CFHR4: variants seen among roughly 807,000 people sequenced by gnomAD.
CFHR4 encodes complement factor H-related protein 4.
Under a neutral mutation model 69.3 loss-of-function variants are expected in CFHR4, and 64 were observed. The ratio of observed to expected loss-of-function variants is 0.92; its 90% CI spans 0.76 to 1.14. The LOEUF (loss-of-function observed/expected upper bound fraction) is 1.14. Among genes scored for constraint, CFHR4 ranks in the 50% most tolerant of loss-of-function variants. The pLI, the probability that CFHR4 is intolerant of heterozygous loss-of-function variation, is 0.00. For synonymous variants in CFHR4, 244 were observed against 237.0 expected, an observed-to-expected ratio of 1.03 and a Z score of -0.27; for missense variants, 636 against 684.9, an observed-to-expected ratio of 0.93 and a Z score of 0.80.
At chr1:196,902,646 A>G in intron 2 of CFHR4, 31 bp downstream of exon 2, 1 of 1,484,478 alleles carries the variant, frequency 6.7e-7, no homozygotes, top group Non-Finnish European at 9.4e-7. Context: ...GAATATGTGC[A>G]TAAAACTTGA....
rs77556138 is a variant in CFHR4 at position 196,902,602 on chromosome 1, G to A, written c.243G>A (p.Thr81=). Residue 81 remains threonine (T), a synonymous_variant, in exon 2 of 10, where the codon ACG becomes ACA. Coordinates refer to ENST00000608469, the MANE Select transcript of CFHR4 (RefSeq NM_001201550.3). ...GCACACAAGATGGTTGGTCACCAAC[G>A]GTCCCATGCCTCAGTAAGTAAACCT... ...IHCTQDGWSP[T]VPCLRTCSKS... 2,694 of 1,610,032 alleles carry A rather than the reference G, an allele frequency of 1.7e-3. 119 individuals are homozygous for A. The African/African-American group carries it at 0.032, about 19-fold the overall frequency.
intron 1 of CFHR4, among the ~76,000 whole-genome samples, chr1:196,898,437 A>C (rs1019397896): frequency 6.6e-6 from 1 of 151,652 alleles, no homozygotes; most frequent in African/African-American, 2.4e-5. Context: ...TTTGCTTTCC[A>C]AAGTAGATAA....
rs1658793787 is a variant in CFHR4, at chr1:196,918,597, C to A, written c.*191C>A. On this transcript the variant is annotated 3_prime_UTR_variant, in exon 10 of 10. Coordinates refer to ENST00000608469, the MANE Select transcript of CFHR4 (RefSeq NM_001201550.3). The stretch of plus-strand genomic sequence containing the variant: ...AAAACAAACTAAATTATTGCTTATG[C>A]TTGTACTAAAATAATAAAAACTACC... The A allele has an allele frequency of 1.8e-6, 1 of 568,202 alleles. No homozygotes were observed. Among genetic ancestry groups the A allele is most frequent in the Non-Finnish European group, 3.0e-6 (1 of 330,300 alleles). 35.2% of individuals were successfully genotyped at this position (568,202 alleles called of 1,614,324 possible).
chr1:196,910,938 T>A (rs989742922), intron 6 of CFHR4, among the ~76,000 whole-genome samples: 1 of 151,538 alleles, frequency 6.6e-6, no homozygotes, highest in Non-Finnish European at 1.5e-5. Flanking sequence ...ATTTGGAGAA[T>A]GGATATAACA....
intron 9 of CFHR4, 83 bp downstream of exon 9, chr1:196,915,221 T>C: frequency 3.2e-6 from 4 of 1,252,688 alleles, no homozygotes; most frequent in Non-Finnish European, 4.6e-6. Flanking sequence ...TTTTTATGGG[T>C]TATTACCCTA....
Position 196,907,054 on chromosome 1 carries a change from A to T in CFHR4, c.616+17A>T. On this transcript the variant is annotated intron_variant, in intron 4 of 9. Coordinates refer to ENST00000608469, the MANE Select transcript of CFHR4 (RefSeq NM_001201550.3). The stretch of plus-strand genomic sequence containing the variant: ...CATGCTATAGTAAGTATTTTATTCA[A>T]GTATTTCTTTTTACTAGAATTAAAC... 6.3e-7 allele frequency: 1 copy of T among 1,589,532 alleles called. No individual in the cohort carries two copies. The highest frequency in any genetic ancestry group is 8.6e-7 in the Non-Finnish European group (1 of 1,166,384).
At chr1:196,896,774 A>C (rs1335782378) in intron 1 of CFHR4, among the ~76,000 whole-genome samples, 1 of 151,624 alleles carries the variant, frequency 6.6e-6, no homozygotes, top group Non-Finnish European at 1.5e-5. Context: ...CTGGCCATGC[A>C]ACTGTAAAGG....
intron 1 of CFHR4, among the ~76,000 whole-genome samples, chr1:196,899,412 A>AC (rs1372635625): frequency 6.6e-6 from 1 of 151,082 alleles, no homozygotes; most frequent in Non-Finnish European, 1.5e-5. Flanking sequence ...TCCCACTGCA[A>AC]CCTCCTAAGC....
intron 6 of CFHR4, among the ~76,000 whole-genome samples, chr1:196,911,736 T>A (rs1479993760): frequency 6.6e-6 from 1 of 151,484 alleles, no homozygotes; most frequent in East Asian, 1.9e-4. Flanking sequence ...GAAAGAAAAG[T>A]CCCTTTTTCT....
In CFHR4 at chr1:196,910,457, T is replaced by C; in HGVS notation, c.976T>C (p.Leu326=). 2 of 1,612,452 alleles carry C rather than the reference T, an allele frequency of 1.2e-6. No homozygotes were observed. The highest frequency in any genetic ancestry group is 1.7e-6 in the Non-Finnish European group (2 of 1,179,400). ...DYIHCTQDGW[L]PTVPCLRTCS... ...CATTCACTGCACACAAGATGGGTGG[T>C]TGCCAACAGTCCCATGCCTCAGTAA... Residue 326 remains leucine, a synonymous_variant, in exon 6 of 10, where the codon TTG becomes CTG. Coordinates refer to ENST00000608469, the MANE Select transcript of CFHR4 (RefSeq NM_001201550.3).
chr1:196,891,748 T>C (rs1026942338), intron 1 of CFHR4, among the ~76,000 whole-genome samples: 5 of 151,484 alleles, frequency 3.3e-5, no homozygotes, highest in Admixed American at 3.3e-4. Context: ...ACATAAATTA[T>C]TTGCTATTTA....
At chr1:196,910,938 T>C (rs989742922) in intron 6 of CFHR4, among the ~76,000 whole-genome samples, 2 of 151,538 alleles carry the variant, frequency 1.3e-5, no homozygotes, top group African/African-American at 4.9e-5. Context: ...ATTTGGAGAA[T>C]GGATATAACA....
chr1:196,903,351 C>A (rs1657723751), intron 2 of CFHR4, among the ~76,000 whole-genome samples: 1 of 151,098 alleles, frequency 6.6e-6, no homozygotes, highest in South Asian at 2.1e-4. Flanking sequence ...GGCCAAGCAG[C>A]AATAGAAATA....
intron 1 of CFHR4, among the ~76,000 whole-genome samples, chr1:196,900,450 T>G (rs1043601499): frequency 6.6e-6 from 1 of 151,316 alleles, no homozygotes; most frequent in African/African-American, 2.4e-5. Flanking sequence ...TAGCTACTTT[T>G]AATTATACTT....
Position 196,913,067 on chromosome 1 carries a change from A to G in CFHR4, c.1180+145A>G, listed in dbSNP as rs548352974. 7.5e-5 allele frequency: 103 copies of G among 1,379,024 alleles called. 1 individual carries two copies. In the South Asian group the frequency reaches 1.4e-3, roughly 18 times the overall value. 85.4% of individuals were successfully genotyped at this position (1,379,024 alleles called of 1,614,324 possible). On this transcript the variant is annotated intron_variant, in intron 7 of 9. Coordinates refer to ENST00000608469, the MANE Select transcript of CFHR4 (RefSeq NM_001201550.3). ...TAAAACCATTCAACATTCTGTGCCA[A>G]ATTAAGTCTTTTGCATGTTTAGAGT...
chr1:196,889,267 C>A (rs542937137), intron 1 of CFHR4, among the ~76,000 whole-genome samples: 1 of 151,324 alleles, frequency 6.6e-6, no homozygotes, highest in South Asian at 2.1e-4. Flanking sequence ...GTTTTAATTG[C>A]TGTGCAAAAT....
At chr1:196,906,719 C>T in intron 3 of CFHR4, 142 bp from the exon 4 acceptor site, 1 of 807,776 alleles carries the variant, frequency 1.2e-6, no homozygotes, top group South Asian at 2.4e-5. Flanking sequence ...AAAAAAAACA[C>T]TGATTGTCGG....
rs535769812 is a variant in CFHR4 at position 196,893,912 on chromosome 1, G to A, written c.58+5704G>A. 1.7e-4 allele frequency among the ~76,000 whole-genome samples: 26 copies of A among 151,602 alleles called. 1 individual carries two copies. The highest frequency in any genetic ancestry group is 6.1e-4 in the African/African-American group (25 of 41,182). On this transcript the variant is annotated intron_variant, in intron 1 of 9. Transcript: ENST00000608469. ...ATTTTGTTTATTACATGAATTCTAA[G>A]ACTCAGGTGACACAGACCTAATCTC...
intron 3 of CFHR4, 77 bp from the exon 4 acceptor site, chr1:196,906,784 C>T (rs565035922): frequency 7.0e-7 from 1 of 1,428,836 alleles, no homozygotes. Flanking sequence ...AAATTTTATT[C>T]CTACAATGGG....
Sources: gnomAD v4.1 joint callset for allele counts (sites outside exome capture counted in the v4.1 genomes callset) on GRCh38, gnomAD v4.1.1 for gene constraint, MANE v1.5 for transcripts, NCBI Gene and HGNC (gene_info 2026-07-23, HGNC 2026-07-21) for gene names.